PI4KB: variants seen among roughly 807,000 people sequenced by gnomAD.
The protein encoded by PI4KB is PtdIns 4-kinase beta.
PI4KB carries 23 observed loss-of-function variants against 81.4 expected under a neutral mutation model. The ratio of observed to expected loss-of-function variants is 0.28; its 90% CI spans 0.20 to 0.40. The LOEUF (loss-of-function observed/expected upper bound fraction) is 0.40, where lower values mean the gene tolerates loss of function less well. Among genes scored for constraint, PI4KB ranks in the 10% least tolerant of loss-of-function variants. The probability of loss-of-function intolerance (pLI) is 1.00; values close to 1 mark genes in which losing one functional copy is unlikely to be tolerated. For synonymous variants in PI4KB, 381 were observed against 406.8 expected (o/e 0.94, Z 0.76); for missense variants, 651 against 1,036.6 (o/e 0.63, Z 5.11).
chr1:151,299,553 G>C (rs775202558), intron 8 of PI4KB, among the ~76,000 whole-genome samples: 1 of 152,092 alleles, frequency 6.6e-6, no homozygotes, highest in Admixed American at 6.6e-5. Context: ...AGCCAGGCGT[G>C]GTGGTGTATG....
At chr1:151,296,974 G>T (rs1038345184) in intron 9 of PI4KB, among the ~76,000 whole-genome samples, 8 of 151,560 alleles carry the variant, frequency 5.3e-5, no homozygotes, top group African/African-American at 1.7e-4. Context: ...ATGGGGTTTT[G>T]CCATGTTGGT....
intron 1 of PI4KB, chr1:151,324,865 C>CA: frequency 1.0e-6 from 1 of 985,230 alleles, no homozygotes. Context: ...CAAGGAATCT[C>CA]AATTTGCTGC....
rs1392948705 is a variant in PI4KB, at chr1:151,316,435, T to A, written c.47A>T (p.Glu16Val). The A allele has an allele frequency of 1.9e-6, 3 of 1,570,982 alleles. No individual in the cohort carries two copies. The East Asian group carries it at 6.7e-5, about 35-fold the overall frequency. ...ATTCCCTGGTGGGCCAGAAGTGGGC[T>A]CAGAAGTTGGCTTCAAGGGGGCAGG... ...VEPAPLKPTSEPTSGPPGNNG... is the reference protein window; with the variant it reads ...VEPAPLKPTSVPTSGPPGNNG... Residue 16 changes from glutamate to valine, a missense_variant, in exon 2 of 12, where the codon GAG (glutamate) becomes GTG (valine). Coordinates refer to ENST00000368873, the MANE Select transcript of PI4KB (RefSeq NM_001369623.2).
At chr1:151,311,736 C>T (rs904818753) in intron 2 of PI4KB, among the ~76,000 whole-genome samples, 5 of 152,188 alleles carry the variant, frequency 3.3e-5, no homozygotes, top group African/African-American at 1.2e-4. Flanking sequence ...TGACCTGCTC[C>T]TCTCCTACTC....
intron 9 of PI4KB, among the ~76,000 whole-genome samples, chr1:151,296,983 G>C (rs1694854625): frequency 6.6e-6 from 1 of 151,936 alleles, no homozygotes; most frequent in South Asian, 2.1e-4. Flanking sequence ...TGCCATGTTG[G>C]TCAGGCTGGT....
intron 11 of PI4KB, chr1:151,293,269 C>A: frequency 7.1e-7 from 1 of 1,408,906 alleles, no homozygotes; most frequent in Admixed American, 2.8e-5. Flanking sequence ...GGAAGGGGAC[C>A]AACACCACAT....
intron 1 of PI4KB, among the ~76,000 whole-genome samples, chr1:151,323,496 G>C (rs1649150780): frequency 6.6e-6 from 1 of 151,554 alleles, no homozygotes; most frequent in South Asian, 2.1e-4. Context: ...GCCGGGGTGG[G>C]TGGATCACCT....
intron 2 of PI4KB, among the ~76,000 whole-genome samples, chr1:151,313,638 T>C (rs994420275): frequency 2.6e-5 from 4 of 152,236 alleles, no homozygotes; most frequent in Non-Finnish European, 4.4e-5. Flanking sequence ...ATGACTCTTC[T>C]TGTTCTGCAG....
chr1:151,326,060 C>T (rs1171468562), intron 1 of PI4KB: 18 of 1,074,032 alleles, frequency 1.7e-5, no homozygotes, highest in Middle Eastern at 2.4e-4. Flanking sequence ...TCTAGTAAAC[C>T]ACAAGAATAA....
rs1277890930 is a variant in PI4KB at position 151,302,079 on chromosome 1, GC to G, written c.1626-113del. On this transcript the variant is annotated intron_variant, in intron 7 of 11. Coordinates refer to ENST00000368873, the MANE Select transcript of PI4KB (RefSeq NM_001369623.2). ...GCCCCATAGGGCAAGGACCCAGACA[GC>G]CTGGAAGCCTGACAGATTTTTTTGG... 5.1e-6 allele frequency: 8 copies of G among 1,575,520 alleles called. No individual in the cohort carries two copies. In the African/African-American group the frequency reaches 1.1e-4, roughly 21 times the overall value.
chr1:151,298,498 T>C (rs587687731), intron 9 of PI4KB: 1 of 371,474 alleles, frequency 2.7e-6, no homozygotes, highest in East Asian at 5.5e-5. Flanking sequence ...CATTCAATTA[T>C]TTCTTCTAGC....
intron 4 of PI4KB, among the ~76,000 whole-genome samples, chr1:151,307,343 T>G (rs1695855940): frequency 6.6e-6 from 1 of 152,100 alleles, no homozygotes; most frequent in African/African-American, 2.4e-5. Context: ...AGAAGGAAGC[T>G]AAAAAGATTA....
At chr1:151,293,710 A>G in intron 11 of PI4KB, 1 of 344,534 alleles carries the variant, frequency 2.9e-6, no homozygotes, top group Non-Finnish European at 5.4e-6. Flanking sequence ...GAGACTGAGA[A>G]ACTCAGAGCT....
intron 1 of PI4KB, among the ~76,000 whole-genome samples, chr1:151,317,256 C>T (rs1332392145): frequency 6.6e-6 from 1 of 151,718 alleles, no homozygotes; most frequent in Non-Finnish European, 1.5e-5. Context: ...CCTCCCACCT[C>T]AGCCTCCCAA....
chr1:151,322,322 G>A (rs1648970203), intron 1 of PI4KB, among the ~76,000 whole-genome samples: 1 of 152,174 alleles, frequency 6.6e-6, no homozygotes, highest in African/African-American at 2.4e-5. Context: ...CATATGTTCT[G>A]TGTGACTGAG....
Position 151,310,265 on chromosome 1 carries a change from G to T in PI4KB, c.910-10C>A. The T allele has an allele frequency of 6.3e-7, 1 of 1,587,324 alleles. No individual in the cohort carries two copies. On this transcript the variant is annotated splice_polypyrimidine_tract_variant and intron_variant, in intron 2 of 11. Coordinates refer to ENST00000368873, the MANE Select transcript of PI4KB (RefSeq NM_001369623.2). ...TGCTGGAGGAGAGCTCCTGGGAAAG[G>T]GCCAGAGGGCAAAGGGAGAAGGAGG...
chr1:151,319,929 G>C (rs1648594312), intron 1 of PI4KB, among the ~76,000 whole-genome samples: 1 of 152,178 alleles, frequency 6.6e-6, no homozygotes. Context: ...ATATACTTTG[G>C]GTAGGTGGAA....
intron 1 of PI4KB, among the ~76,000 whole-genome samples, chr1:151,318,969 T>C (rs1450685888): frequency 6.6e-6 from 1 of 152,126 alleles, no homozygotes; most frequent in East Asian, 1.9e-4. Context: ...TGCTAACATA[T>C]AATGGAAAGA....
intron 11 of PI4KB, chr1:151,293,444 C>A (rs2101899674): frequency 1.6e-6 from 2 of 1,241,520 alleles, no homozygotes; most frequent in South Asian, 2.9e-5. Flanking sequence ...TGGGGATGAT[C>A]CTGAGCAACG....
Sources: allele counts gnomAD v4.1 joint callset (sites outside exome capture counted in the v4.1 genomes callset), GRCh38; gene constraint gnomAD v4.1.1; transcripts MANE v1.5; gene names NCBI Gene and HGNC (gene_info 2026-07-23, HGNC 2026-07-21).